CFAP65: variants seen among roughly 807,000 people sequenced by gnomAD.
CFAP65 encodes cilia and flagella associated protein 65.
CFAP65 carries 155 observed loss-of-function variants against 208.0 expected under a neutral mutation model. The observed-to-expected ratio is 0.75, with a 90% CI of 0.65 to 0.85. The LOEUF (loss-of-function observed/expected upper bound fraction) is 0.85, where lower values mean the gene tolerates loss of function less well. Among genes scored for constraint, CFAP65 ranks in the 40% least tolerant of loss-of-function variants. The pLI, the probability that CFAP65 is intolerant of heterozygous loss-of-function variation, is 0.00. For missense variants in CFAP65, 2,294 were observed against 2,451.3 expected, an observed-to-expected ratio of 0.94 and a Z score of 1.36; for synonymous variants, 970 against 986.3, an observed-to-expected ratio of 0.98 and a Z score of 0.31.
chr2:219,038,312 GC>G, intron 4 of CFAP65, 62 bp downstream of exon 4: 1 of 1,505,428 alleles, frequency 6.6e-7, no homozygotes, highest in South Asian at 1.2e-5. Flanking sequence ...CCACTGCCCT[GC>G]CACCCATGCC....
At position 219,031,208 on chromosome 2, in the gene CFAP65, C is replaced by T; in HGVS notation, c.913G>A (p.Val305Met). The T allele has an allele frequency of 1.2e-6, 2 of 1,613,654 alleles. No individual in the cohort carries two copies. The highest frequency in any genetic ancestry group is 8.5e-7 in the Non-Finnish European group (1 of 1,179,874). ...ACGGCTGTAAGGGGCTGAAAGGTCA[C>T]CTTGATCTGAGAGGCCTGGCCTGGC... ...LEPGQASQIK[V>M]TFQPLTAVIY... Residue 305 changes from valine to methionine, a missense_variant, in exon 8 of 35, where the codon GTG (valine) becomes ATG (methionine). Physicochemically the swap from Val to Met is conservative, Grantham distance 21. Transcript: ENST00000341552. The surrounding 1 kb of genome is among the most constrained non-coding windows in gnomAD (Gnocchi z 5.2).
chr2:219,020,734 G>C (rs1056776477), intron 19 of CFAP65, among the ~76,000 whole-genome samples: 1 of 152,182 alleles, frequency 6.6e-6, no homozygotes, highest in African/African-American at 2.4e-5. Context: ...GAAGCAACTC[G>C]TTAAGGTTAC....
chr2:219,021,538 G>A (rs1256990793), intron 18 of CFAP65, among the ~76,000 whole-genome samples: 1 of 152,160 alleles, frequency 6.6e-6, no homozygotes, highest in Non-Finnish European at 1.5e-5. Flanking sequence ...TAACAGATGA[G>A]GAAGCTGAGG....
At position 219,003,926 on chromosome 2, in the gene CFAP65, G is replaced by A. The variant is rs753521414; in HGVS notation, c.5555+26C>T. ...ACCTTCTGCACTTCGCCTCCCTCCC[G>A]TCCTCACTGGGGCCTGGCTGCTCAC... is the stretch of plus-strand genomic sequence containing the variant. On this transcript the variant is annotated intron_variant, in intron 33 of 34. Coordinates refer to ENST00000341552, the MANE Select transcript of CFAP65 (RefSeq NM_194302.4). This position sits in a 1 kb window ranked among gnomAD's most constrained non-coding sequence, Gnocchi z 4.4. The A allele has an allele frequency of 6.3e-6, 10 of 1,595,700 alleles. No individual in the cohort carries two copies. Among genetic ancestry groups the A allele is most frequent in the Admixed American group, 5.1e-5 (3 of 59,240 alleles).
In CFAP65 at chr2:219,032,656, C is replaced by T. The variant is rs893202362; in HGVS notation, c.543-84G>A. ...GCAGGAAACGAGGGAAGCCCTGCAG[C>T]CAAGGGAGCTTGAGTCCCTGGGACC... On this transcript the variant is annotated intron_variant, in intron 5 of 34. Coordinates refer to ENST00000341552, the MANE Select transcript of CFAP65 (RefSeq NM_194302.4). This position sits in a 1 kb window ranked among gnomAD's most constrained non-coding sequence, Gnocchi z 5.5. 8.1e-7 allele frequency: 1 copy of T among 1,234,368 alleles called. No individual in the cohort carries two copies. The highest frequency in any genetic ancestry group is 1.1e-6 in the Non-Finnish European group (1 of 874,348). The allele number at this position is 1,234,368 out of a possible 1,614,324, so 76.5% of individuals were successfully genotyped here. A position where few individuals can be genotyped will look rare whatever the true frequency, so the allele number is the denominator to read the frequency against.
Position 219,035,591 on chromosome 2 carries a change from C to T in CFAP65, c.431G>A (p.Gly144Asp). 32 of 1,613,958 alleles carry T rather than the reference C, an allele frequency of 2.0e-5. No homozygotes were observed. Among genetic ancestry groups the T allele is most frequent in the Non-Finnish European group, 2.7e-5 (32 of 1,180,024 alleles). ...ATGCAGCTCCTCAGCCACCTCAATG[C>T]CCCAGATGACCCTCTTGTTCACTCT... ...QERVNKRVIW[G>D]IEVAEELHWK... The change falls in exon 5 of 35, where the codon GGC becomes GAC. Residue 144 changes from glycine (G) to aspartate (D), a missense_variant. Physicochemically the swap from Gly to Asp is moderately conservative, Grantham distance 94 (BLOSUM62 -1). Coordinates refer to ENST00000341552, the MANE Select transcript of CFAP65 (RefSeq NM_194302.4).
At chr2:219,005,301 C>T in intron 32 of CFAP65, 133 bp downstream of exon 32, 1 of 1,245,492 alleles carries the variant, frequency 8.0e-7, no homozygotes, top group South Asian at 1.4e-5. Context: ...GTTGGAATTA[C>T]AGGCAAGAAC....
In CFAP65 at chr2:219,013,328, A is replaced by C; in HGVS notation, c.3888T>G (p.Tyr1296Ter). Residue 1296 changes from tyrosine (Y) to a stop codon, truncating the protein, a stop_gained, in exon 24 of 35, where the codon TAT becomes TAG. Coordinates refer to ENST00000341552, the MANE Select transcript of CFAP65 (RefSeq NM_194302.4). LOFTEE classifies it high-confidence loss of function. ...GGTGGGTAGTAGAGGTGAAGTGCAC[A>C]TACTTCTGCTCCGGCTTCACTGTCA... ...IGVTVKPEQKYVHFTSTTHQF... is the reference protein window; with the variant it reads ...IGVTVKPEQK The C allele has an allele frequency of 6.2e-7, 1 of 1,614,064 alleles. No individual in the cohort carries two copies. Among genetic ancestry groups the C allele is most frequent in the South Asian group, 1.1e-5 (1 of 91,028 alleles).
chr2:219,024,315 A>C lies in CFAP65; in HGVS notation c.2350-55T>G, dbSNP rs1947474312. Reference sequence around the variant, plus strand: ...CCCGCTCAGACCTCCACCCTGGGACACACACTCAGGGCCCTATGGGGGCTT... The same window carrying C: ...CCCGCTCAGACCTCCACCCTGGGACCCACACTCAGGGCCCTATGGGGGCTT... On this transcript the variant is annotated intron_variant, in intron 14 of 34. Transcript: ENST00000341552. 5.1e-6 allele frequency: 8 copies of C among 1,563,896 alleles called. No homozygotes were observed. The South Asian group carries it at 9.6e-5, about 19-fold the overall frequency.
At chr2:219,028,167 G>A (rs1382503065) in intron 12 of CFAP65, 34 bp downstream of exon 12, 2 of 1,608,846 alleles carry the variant, frequency 1.2e-6, no homozygotes, top group South Asian at 2.2e-5. Flanking sequence ...AGAATCACTA[G>A]AGAAGGGATA....
intron 29 of CFAP65, among the ~76,000 whole-genome samples, chr2:219,007,433 G>A (rs1021039681): frequency 2.0e-5 from 3 of 152,056 alleles, no homozygotes; most frequent in African/African-American, 4.8e-5. Flanking sequence ...TCATGCCTTC[G>A]CCACCCAAAG....
At chr2:219,025,157 T>C (rs1258363509) in intron 14 of CFAP65, among the ~76,000 whole-genome samples, 1 of 151,932 alleles carries the variant, frequency 6.6e-6, no homozygotes, top group Non-Finnish European at 1.5e-5. Context: ...TGTTAGCCGG[T>C]GAGGGAGTGA....
At chr2:219,012,040 G>A (rs1446151966) in intron 24 of CFAP65, among the ~76,000 whole-genome samples, 1 of 152,256 alleles carries the variant, frequency 6.6e-6, no homozygotes, top group Non-Finnish European at 1.5e-5. Flanking sequence ...TGAGGACACA[G>A]CAAGAAGCCA....
chr2:219,024,168 G>A lies in CFAP65; in HGVS notation c.2442C>T (p.Pro814=). ...GAAGGATGACGTCTGAGCCTCTCTG[G>A]GGGGCCAGGCTGAAGGTCAGCAGCT... The part of the protein sequence containing the change: ...DCKLLTFSLA[P]QRGSDVILRP... The change falls in exon 15 of 35, where the codon CCC becomes CCT. Residue 814 remains proline, a synonymous_variant. Coordinates refer to ENST00000341552, the MANE Select transcript of CFAP65 (RefSeq NM_194302.4). 2 of 1,614,032 alleles carry A rather than the reference G, an allele frequency of 1.2e-6. No homozygotes were observed. The highest frequency in any genetic ancestry group is 1.7e-6 in the Non-Finnish European group (2 of 1,180,036).
Position 219,031,721 on chromosome 2 carries a change from G to A in CFAP65, c.646-63C>T, listed in dbSNP as rs555938422. The stretch of plus-strand genomic sequence containing the variant: ...GTGGCATTCAGGGACTGCACATCCC[G>A]CCCACCCTCAGCCACCCCCAACACA... On this transcript the variant is annotated intron_variant, in intron 6 of 34. Transcript: ENST00000341552. The surrounding 1 kb of genome is among the most constrained non-coding windows in gnomAD (Gnocchi z 5.2). 84 of 1,536,710 alleles carry A rather than the reference G, an allele frequency of 5.5e-5. No homozygotes were observed. The South Asian group carries it at 7.4e-4, about 13-fold the overall frequency.
At chr2:219,037,209 G>A (rs1948417597) in intron 4 of CFAP65, among the ~76,000 whole-genome samples, 1 of 152,048 alleles carries the variant, frequency 6.6e-6, no homozygotes. Context: ...GGCCAATATG[G>A]TGAAACCCCC....
chr2:219,007,089 C>T (rs1946062261), intron 29 of CFAP65, among the ~76,000 whole-genome samples: 1 of 152,058 alleles, frequency 6.6e-6, no homozygotes. Flanking sequence ...AAATCAGTCT[C>T]CCTCATTAAG....
chr2:219,026,155 A>T lies in CFAP65; in HGVS notation c.2216T>A (p.Leu739Gln). The T allele has an allele frequency of 6.2e-7, 1 of 1,610,610 alleles. No individual in the cohort carries two copies. The highest frequency in any genetic ancestry group is 8.5e-7 in the Non-Finnish European group (1 of 1,177,364). ...CTCCTCAATATTACTGTAGCTCTGCAGGACCTGCAGAGGGGCCAGACCCAC... is the reference window on the plus strand; with the variant it reads ...CTCCTCAATATTACTGTAGCTCTGCTGGACCTGCAGAGGGGCCAGACCCAC... ...ELEAFAIYKV[L>Q]QSYSNIEEDC... Residue 739 changes from leucine (L) to glutamine (Q), a missense_variant, in exon 14 of 35, where the codon CTG becomes CAG. Physicochemically the swap from Leu to Gln is moderately radical, Grantham distance 113 (BLOSUM62 -2). This residue lies in a region of CFAP65 where 867 missense variants were observed against 1,012.6 expected (regional missense o/e 0.86). Coordinates refer to ENST00000341552, the MANE Select transcript of CFAP65 (RefSeq NM_194302.4).
intron 1 of CFAP65, 25 bp from the exon 2 acceptor site, chr2:219,040,589 T>C (rs1559171160): frequency 6.4e-7 from 1 of 1,552,234 alleles, no homozygotes; most frequent in African/African-American, 1.4e-5. Context: ...AGAGAGTCCA[T>C]TACTTTTCTG....
Sources: allele counts gnomAD v4.1 joint callset (sites outside exome capture counted in the v4.1 genomes callset), GRCh38; gene constraint gnomAD v4.1.1; regional missense constraint gnomAD v4.1.1; non-coding constraint Gnocchi (gnomAD v3.1); transcripts MANE v1.5; gene names NCBI Gene and HGNC (gene_info 2026-07-23, HGNC 2026-07-21).